Variants in PAK3 observed in about 807,000 individuals in gnomAD.
PAK3 encodes p21 (RAC1) activated kinase 3.
Under a neutral mutation model 41.0 loss-of-function variants are expected in PAK3, and 4 were observed. The observed-to-expected ratio is 0.10, with a 90% CI of 0.05 to 0.22. The LOEUF is 0.22. PAK3 is among the 10% of genes least tolerant of loss of function. The probability of loss-of-function intolerance (pLI) is 1.00; values close to 1 mark genes in which losing one functional copy is unlikely to be tolerated. For missense variants in PAK3, 205 were observed against 409.9 expected (o/e 0.50, Z 4.32); for synonymous variants, 146 against 139.6 (o/e 1.05, Z -0.32).
At chrX:110,954,789 A>G (rs954176620) in intron 1 of PAK3, among the ~76,000 whole-genome samples, 4 of 111,820 alleles carry the variant, frequency 3.6e-5, no homozygotes, top group African/African-American at 1.3e-4. Context: ...TAAATTCCTG[A>G]TATCCCCATG....
At chrX:111,012,547 C>T (rs1031328928) in intron 1 of PAK3, among the ~76,000 whole-genome samples, 1 of 111,918 alleles carries the variant, frequency 8.9e-6, no homozygotes, top group Non-Finnish European at 1.9e-5. Context: ...TTTTGGTTCT[C>T]CCTCAGATAA....
intron 10 of PAK3, among the ~76,000 whole-genome samples, chrX:111,172,111 CAG>C (rs969587350): frequency 9.0e-6 from 1 of 111,546 alleles, no homozygotes; most frequent in African/African-American, 3.3e-5. Flanking sequence ...TCAGAGAAGA[CAG>C]TGATTTTACT....
intron 5 of PAK3, among the ~76,000 whole-genome samples, chrX:111,124,737 C>T (rs1440182915): frequency 9.0e-6 from 1 of 111,201 alleles, no homozygotes; most frequent in Non-Finnish European, 1.9e-5. Context: ...AAAATTGTGC[C>T]CAAACCCTCT....
chrX:111,193,086 G>A (rs1842763728), intron 13 of PAK3, among the ~76,000 whole-genome samples: 1 of 111,171 alleles, frequency 9.0e-6, no homozygotes, highest in African/African-American at 3.3e-5. Context: ...CTTTATCAGT[G>A]GTATTAACAG....
chrX:111,110,209 C>T (rs1212755105), intron 4 of PAK3, among the ~76,000 whole-genome samples: 1 of 112,274 alleles, frequency 8.9e-6, no homozygotes, highest in Non-Finnish European at 1.9e-5. Flanking sequence ...TGAATTACTT[C>T]AAAGCAGTTC....
chrX:110,969,094 A>ATTTTTTTTTTTTT (rs60724970), intron 1 of PAK3, among the ~76,000 whole-genome samples: 50 of 40,612 alleles, frequency 1.2e-3, no homozygotes, highest in African/African-American at 3.6e-3. Flanking sequence ...GACCTGCCTA[A>ATTTTTTTTTTTTT]TTTTTTTTTT....
intron 5 of PAK3, among the ~76,000 whole-genome samples, chrX:111,132,082 A>G (rs2093726525): frequency 9.0e-6 from 1 of 111,171 alleles, no homozygotes; most frequent in South Asian, 3.9e-4. Flanking sequence ...CAAAGGCAAC[A>G]TTTTGTAAAT....
intron 1 of PAK3, among the ~76,000 whole-genome samples, chrX:111,060,182 A>C (rs2092643489): frequency 9.0e-6 from 1 of 111,701 alleles, no homozygotes; most frequent in South Asian, 3.8e-4. Context: ...GTATCTATTG[A>C]GATAATGTGG....
chrX:110,998,064 C>A (rs964015244), intron 1 of PAK3, among the ~76,000 whole-genome samples: 1 of 111,580 alleles, frequency 9.0e-6, no homozygotes, highest in African/African-American at 3.3e-5. Context: ...AAGACAGATG[C>A]CCATTAGACA....
intron 11 of PAK3, among the ~76,000 whole-genome samples, chrX:111,178,980 T>TATATATAGAGAGAGAG (rs1211051270): frequency 6.2e-4 from 57 of 91,593 alleles, no homozygotes; most frequent in African/African-American, 2.2e-3. Context: ...TATATATATA[T>TATATATAGAGAGAGAG]AGAGAGAGAG....
intron 16 of PAK3, among the ~76,000 whole-genome samples, chrX:111,198,046 A>C: frequency 9.0e-6 from 1 of 111,683 alleles, no homozygotes; most frequent in Non-Finnish European, 1.9e-5. Flanking sequence ...GATGGTATTC[A>C]TTGTGGTTTT....
chrX:111,076,985 AG>A (rs1028885336), intron 1 of PAK3, among the ~76,000 whole-genome samples: 9 of 111,838 alleles, frequency 8.0e-5, no homozygotes, highest in Non-Finnish European at 1.5e-4. Context: ...TGCAAAATGT[AG>A]TACTGCTACT....
intron 11 of PAK3, among the ~76,000 whole-genome samples, chrX:111,176,984 C>T (rs1329645655): frequency 1.9e-5 from 2 of 104,389 alleles, no homozygotes; most frequent in Non-Finnish European, 3.9e-5. Flanking sequence ...AAAAAAAACC[C>T]ACCTCCCACT....
chrX:111,037,645 AC>A (rs1445923014), intron 1 of PAK3, among the ~76,000 whole-genome samples: 2 of 111,816 alleles, frequency 1.8e-5, no homozygotes, highest in Non-Finnish European at 3.8e-5. Flanking sequence ...GTTACATAGT[AC>A]ATGCTGATGA....
At chrX:110,973,361 A>T (rs2091253703) in intron 1 of PAK3, among the ~76,000 whole-genome samples, 1 of 112,297 alleles carries the variant, frequency 8.9e-6, no homozygotes. Flanking sequence ...CTAACAGCAG[A>T]TCTCTCTGCA....
chrX:111,083,818 G>T, intron 1 of PAK3, among the ~76,000 whole-genome samples: 1 of 112,202 alleles, frequency 8.9e-6, no homozygotes, highest in Non-Finnish European at 1.9e-5. Context: ...ATTGCTCTAC[G>T]CTTTCCCCAT....
intron 1 of PAK3, among the ~76,000 whole-genome samples, chrX:111,015,168 G>A (rs73537170): frequency 0.02 from 2,154 of 110,101 alleles, 54 homozygotes; most frequent in African/African-American, 0.068. Context: ...AGTATAACTC[G>A]CGAGTTATAC....
intron 8 of PAK3, among the ~76,000 whole-genome samples, chrX:111,153,108 C>A (rs5942722): frequency 8.6e-4 from 96 of 111,768 alleles, no homozygotes; most frequent in Non-Finnish European, 1.3e-3. Context: ...ATAGAAATTT[C>A]TCTGAACACC....
chrX:111,174,767 G>T (rs1021976991), intron 11 of PAK3, among the ~76,000 whole-genome samples: 1 of 111,749 alleles, frequency 8.9e-6, no homozygotes, highest in African/African-American at 3.2e-5. Context: ...TATGCTAAGT[G>T]CTAGAGAGAC....
Sources: allele counts gnomAD v4.1 joint callset (sites outside exome capture counted in the v4.1 genomes callset), GRCh38; gene constraint gnomAD v4.1.1; transcripts MANE v1.5; gene names NCBI Gene and HGNC (gene_info 2026-07-23, HGNC 2026-07-21).